Variants in RALGAPA1 observed in about 807,000 individuals in gnomAD.
RALGAPA1 encodes the protein ral GTPase-activating protein subunit alpha-1.
Under a neutral mutation model 269.6 loss-of-function variants are expected in RALGAPA1, and 52 were observed. That is an observed-to-expected ratio of 0.19 (90% CI 0.15 to 0.24). The LOEUF (loss-of-function observed/expected upper bound fraction) is 0.24. Among genes scored for constraint, RALGAPA1 ranks in the 10% least tolerant of loss-of-function variants. The pLI, the probability that RALGAPA1 is intolerant of heterozygous loss-of-function variation, is 1.00. For missense variants in RALGAPA1, 1,917 were observed against 3,013.9 expected (o/e 0.64, Z 8.52); for synonymous variants, 817 against 1,008.3 (o/e 0.81, Z 3.60).
intron 37 of RALGAPA1, among the ~76,000 whole-genome samples, chr14:35,585,360 A>G (rs2058213709): frequency 6.6e-6 from 1 of 152,226 alleles, no homozygotes; most frequent in Non-Finnish European, 1.5e-5. Flanking sequence ...ATACCTGGAG[A>G]TTAAACAACA....
intron 1 of RALGAPA1, among the ~76,000 whole-genome samples, chr14:35,796,700 C>T (rs1049514058): frequency 2.0e-5 from 3 of 151,212 alleles, no homozygotes; most frequent in African/African-American, 7.3e-5. Context: ...AGAAACAATA[C>T]AAACAAGAAT....
intron 11 of RALGAPA1, among the ~76,000 whole-genome samples, chr14:35,740,213 T>C (rs1195112965): frequency 6.6e-6 from 1 of 152,192 alleles, no homozygotes; most frequent in Non-Finnish European, 1.5e-5. Flanking sequence ...ATAATACTTA[T>C]TTTGTATGTT....
intron 31 of RALGAPA1, among the ~76,000 whole-genome samples, chr14:35,649,415 T>G (rs1369659346): frequency 1.3e-5 from 2 of 152,208 alleles, no homozygotes; most frequent in Non-Finnish European, 2.9e-5. Context: ...TTCAAAAAAG[T>G]CACTTTCACA....
At chr14:35,666,027 T>TC (rs2063899651) in intron 26 of RALGAPA1, among the ~76,000 whole-genome samples, 1 of 152,000 alleles carries the variant, frequency 6.6e-6, no homozygotes, top group African/African-American at 2.4e-5. Flanking sequence ...CTTTTTTTTT[T>TC]TTTCTTGAGA....
intron 10 of RALGAPA1, among the ~76,000 whole-genome samples, chr14:35,747,199 T>G (rs1160482920): frequency 1.3e-5 from 2 of 151,998 alleles, no homozygotes; most frequent in South Asian, 4.2e-4. Context: ...TTTATGGGAA[T>G]GAAAAGGAGA....
intron 5 of RALGAPA1, among the ~76,000 whole-genome samples, chr14:35,761,968 G>A (rs576574463): frequency 9.9e-5 from 15 of 152,164 alleles, no homozygotes; most frequent in Non-Finnish European, 1.6e-4. Context: ...AGATATTTTC[G>A]GAATGGGCAG....
chr14:35,593,661 C>A (rs1285698615), intron 37 of RALGAPA1, among the ~76,000 whole-genome samples: 2 of 151,926 alleles, frequency 1.3e-5, no homozygotes, highest in Non-Finnish European at 2.9e-5. Flanking sequence ...AAGTTTGAGA[C>A]CAGCCTGGGA....
At chr14:35,603,573 C>A (rs1197850073) in intron 36 of RALGAPA1, among the ~76,000 whole-genome samples, 1 of 152,014 alleles carries the variant, frequency 6.6e-6, no homozygotes, top group Non-Finnish European at 1.5e-5. Flanking sequence ...TTATTCACAA[C>A]AGCCAAGATA....
intron 40 of RALGAPA1, among the ~76,000 whole-genome samples, 154 bp from the exon 41 acceptor site, chr14:35,548,692 C>T (rs2054684810): frequency 6.6e-6 from 1 of 152,068 alleles, no homozygotes; most frequent in Non-Finnish European, 1.5e-5. Flanking sequence ...ACATAAATTA[C>T]AGTATTAAGT....
At chr14:35,552,146 C>T (rs777681310) in intron 39 of RALGAPA1, among the ~76,000 whole-genome samples, 79 of 152,144 alleles carry the variant, frequency 5.2e-4, no homozygotes, top group Non-Finnish European at 1.0e-3. Flanking sequence ...CAAGCCAACC[C>T]AATCTACAGG....
intron 35 of RALGAPA1, among the ~76,000 whole-genome samples, chr14:35,613,268 G>A (rs1433973678): frequency 6.6e-6 from 1 of 151,966 alleles, no homozygotes; most frequent in Non-Finnish European, 1.5e-5. Context: ...TTTTAGTAGA[G>A]ACGGGGTTTC....
chr14:35,658,052 T>C (rs1437543345), intron 28 of RALGAPA1, among the ~76,000 whole-genome samples: 1 of 152,172 alleles, frequency 6.6e-6, no homozygotes, highest in Non-Finnish European at 1.5e-5. Flanking sequence ...AGACTTACTG[T>C]TAACTTTCTA....
At chr14:35,651,973 C>T (rs1191228036) in intron 30 of RALGAPA1, 100 bp from the exon 31 acceptor site, 1 of 897,438 alleles carries the variant, frequency 1.1e-6, no homozygotes, top group Admixed American at 2.8e-5. Context: ...ACAAAACCTA[C>T]TACTGCAAAT....
chr14:35,801,280 C>CAT (rs2076961046), intron 1 of RALGAPA1, among the ~76,000 whole-genome samples: 1 of 145,538 alleles, frequency 6.9e-6, no homozygotes, highest in Admixed American at 6.8e-5. Context: ...CACACACACA[C>CAT]ACATTTGAGA....
intron 39 of RALGAPA1, among the ~76,000 whole-genome samples, chr14:35,564,803 A>T (rs1218957580): frequency 1.3e-5 from 2 of 152,174 alleles, no homozygotes; most frequent in African/African-American, 4.8e-5. Context: ...TACAAGAATT[A>T]AAACAGACAT....
At chr14:35,586,132 C>G (rs948539144) in intron 37 of RALGAPA1, among the ~76,000 whole-genome samples, 14 of 152,224 alleles carry the variant, frequency 9.2e-5, no homozygotes, top group African/African-American at 3.4e-4. Flanking sequence ...GTTAGTTGAG[C>G]AGTGGTTTGT....
intron 34 of RALGAPA1, among the ~76,000 whole-genome samples, chr14:35,626,265 C>G (rs2060983345): frequency 6.6e-6 from 1 of 152,066 alleles, no homozygotes; most frequent in Non-Finnish European, 1.5e-5. Flanking sequence ...AGTATAAACA[C>G]TAAGCAAACA....
At chr14:35,734,255 T>A (rs185162574) in intron 12 of RALGAPA1, among the ~76,000 whole-genome samples, 46 of 152,276 alleles carry the variant, frequency 3.0e-4, no homozygotes, top group African/African-American at 1.1e-3. Context: ...AAAGCAAGAC[T>A]AAGCAAAAAC....
At chr14:35,736,063 A>C (rs2070965561) in intron 12 of RALGAPA1, among the ~76,000 whole-genome samples, 1 of 152,218 alleles carries the variant, frequency 6.6e-6, no homozygotes, top group South Asian at 2.1e-4. Context: ...GGCAGGGCAG[A>C]AGCAGGGAGA....
Sources: allele counts gnomAD v4.1 joint callset (sites outside exome capture counted in the v4.1 genomes callset), GRCh38; gene constraint gnomAD v4.1.1; transcripts MANE v1.5; gene names NCBI Gene and HGNC (gene_info 2026-07-23, HGNC 2026-07-21).